The following MAP4 variants were observed in gnomAD, a reference collection of about 807,000 sequenced individuals.
MAP4 encodes microtubule associated protein 4, also known as microtubule-associated protein 4.
MAP4 carries 76 observed loss-of-function variants against 170.2 expected under a neutral mutation model. That is an observed-to-expected ratio of 0.45 (90% CI 0.37 to 0.54). The LOEUF (loss-of-function observed/expected upper bound fraction) is 0.54, where lower values mean the gene tolerates loss of function less well. Among genes scored for constraint, MAP4 ranks in the 20% least tolerant of loss-of-function variants. The pLI, the probability that MAP4 is intolerant of heterozygous loss-of-function variation, is 0.00. For missense variants in MAP4, 2,506 were observed against 2,748.0 expected, an observed-to-expected ratio of 0.91 and a Z score of 1.97; for synonymous variants, 909 against 994.5, an observed-to-expected ratio of 0.91 and a Z score of 1.62.
chr3:47,872,915 C>G (rs1051230378), intron 12 of MAP4, among the ~76,000 whole-genome samples: 1 of 152,170 alleles, frequency 6.6e-6, no homozygotes, highest in African/African-American at 2.4e-5. Flanking sequence ...TTGGCTAACA[C>G]GCACCTAGAG....
At chr3:47,930,421 C>T (rs1365249011) in intron 3 of MAP4, among the ~76,000 whole-genome samples, 6 of 148,466 alleles carry the variant, frequency 4.0e-5, no homozygotes, top group South Asian at 2.1e-4. Context: ...GTCCGCAGTC[C>T]GGCCTGGGCG....
At chr3:47,976,985 T>C (rs1250332093) in intron 3 of MAP4, among the ~76,000 whole-genome samples, 3 of 152,172 alleles carry the variant, frequency 2.0e-5, no homozygotes, top group Non-Finnish European at 4.4e-5. Flanking sequence ...AGCTGAGGTA[T>C]GCATATAAGA....
At chr3:47,903,450 G>A (rs1465557399) in intron 9 of MAP4, among the ~76,000 whole-genome samples, 1 of 151,454 alleles carries the variant, frequency 6.6e-6, no homozygotes, top group Non-Finnish European at 1.5e-5. Context: ...GGAGAACGGC[G>A]TGAACCTGGG....
Position 47,909,314 on chromosome 3 carries a change from CT to C in MAP4, c.5106del (p.Ala1703LeufsTer10). 6.2e-7 allele frequency: 1 copy of C among 1,613,906 alleles called. No homozygotes were observed. The highest frequency in any genetic ancestry group is 8.5e-7 in the Non-Finnish European group (1 of 1,179,854). ...IQSDFLHSKV[E>X]APPSEVADTL... ...GTATCCGCCACCTCTGAAGGAGGAG[CT>C]TCGACTTTGCTATGTAAGAAATCTG... On this transcript the variant is annotated frameshift_variant, in exon 9 of 21. Transcript: ENST00000683076. LOFTEE classifies it high-confidence loss of function.
In MAP4 at chr3:47,867,357, G is replaced by GA. The variant is rs748189960; in HGVS notation, c.6409-20dup. ...TCTGGACCTGGAGTGTTAGAAAATA[G>GA]AAAAAACAACACAAAGGGAGAGGAC... On this transcript the variant is annotated intron_variant, in intron 16 of 20. Coordinates refer to ENST00000683076, the MANE Select transcript of MAP4 (RefSeq NM_001385682.1). The GA allele has an allele frequency of 3.9e-6, 6 of 1,547,088 alleles. No homozygotes were observed. Among genetic ancestry groups the GA allele is most frequent in the African/African-American group, 2.7e-5 (2 of 73,502 alleles).
In MAP4 at chr3:48,080,895, T is replaced by C. The variant is rs896889614; in HGVS notation, c.-20+7878A>G. The stretch of plus-strand genomic sequence containing the variant: ...ATCCGAGCACTTTGGGAGGCCAAGG[T>C]GGGCAGATCACGAAGTCAGGAGATA... On this transcript the variant is annotated intron_variant, in intron 1 of 18. Coordinates refer to the MAP4 transcript ENST00000360240. Among the ~76,000 whole-genome samples, 8 of 152,126 alleles carry C rather than the reference T, an allele frequency of 5.3e-5. No individual in the cohort carries two copies. The East Asian group carries it at 7.7e-4, about 15-fold the overall frequency.
Position 47,875,865 on chromosome 3 carries a change from T to C in MAP4, c.5577A>G (p.Thr1859=). Residue 1859 remains threonine (T), a synonymous_variant, in exon 12 of 21, where the codon ACA becomes ACG. Coordinates refer to ENST00000683076, the MANE Select transcript of MAP4 (RefSeq NM_001385682.1). ...LATTQPAKTS[T]SKAKTQPTSL... is the part of the protein sequence containing the mutation. ...AAGTGGGCTGTGTTTTGGCTTTCGA[T>C]GTTGAAGTCTTTGCAGGTTGAGTGG... 1 of 1,612,814 alleles carries C rather than the reference T, an allele frequency of 6.2e-7. No individual in the cohort carries two copies. Among genetic ancestry groups the C allele is most frequent in the South Asian group, 1.1e-5 (1 of 90,858 alleles).
chr3:47,989,560 G>T (rs778124881), intron 2 of MAP4, among the ~76,000 whole-genome samples: 15 of 152,062 alleles, frequency 9.9e-5, no homozygotes, highest in Non-Finnish European at 1.9e-4. Context: ...AACTTTACTA[G>T]AATAAAATAA....
At chr3:48,039,968 A>T (rs1422764185) in intron 1 of MAP4, among the ~76,000 whole-genome samples, 1 of 152,246 alleles carries the variant, frequency 6.6e-6, no homozygotes, top group African/African-American at 2.4e-5. Context: ...AAACAGAAGA[A>T]TGATATAAAT....
chr3:47,937,229 A>T (rs2153958358), intron 3 of MAP4, among the ~76,000 whole-genome samples: 1 of 152,330 alleles, frequency 6.6e-6, no homozygotes, highest in East Asian at 1.9e-4. Flanking sequence ...TAACTTACAA[A>T]TAAGACTCAG....
intron 17 of MAP4, 44 bp from the exon 18 acceptor site, chr3:47,857,556 C>T: frequency 1.5e-6 from 2 of 1,337,466 alleles, no homozygotes; most frequent in Non-Finnish European, 2.2e-6. Context: ...AGAAGGTATA[C>T]TGTCAGAGCC....
Position 47,911,600 on chromosome 3 carries a change from C to T in MAP4, c.2821G>A (p.Asp941Asn), listed in dbSNP as rs1320590339. ...GAGCAACCCTCTTTAAGTCTGATAT[C>T]CAAAGGGGTTTCTACATTGTATGCA... ...VSAYNVETPL[D>N]IRLKEGCSPF... The change falls in exon 9 of 21, where the codon GAT (aspartate) becomes AAT (asparagine). Residue 941 changes from aspartate (D) to asparagine (N), a missense_variant. Asp to Asn is a conservative substitution (Grantham distance 23). This residue lies in a region of MAP4 where 2,008 missense variants were observed against 2,206.0 expected (regional missense o/e 0.91). Coordinates refer to ENST00000683076, the MANE Select transcript of MAP4 (RefSeq NM_001385682.1). This position sits in a 1 kb window ranked among gnomAD's most constrained non-coding sequence, Gnocchi z 4.0. 22 of 1,536,018 alleles carry T rather than the reference C, an allele frequency of 1.4e-5. No individual in the cohort carries two copies. Among genetic ancestry groups the T allele is most frequent in the Non-Finnish European group, 1.9e-5 (22 of 1,146,898 alleles).
intron 1 of MAP4, among the ~76,000 whole-genome samples, chr3:48,062,494 T>A (rs138291598): frequency 0.035 from 2,846 of 81,192 alleles, no homozygotes; most frequent in African/African-American, 0.042. Context: ...GAATGATCAA[T>A]AAAAAAAAAA....
intron 1 of MAP4, among the ~76,000 whole-genome samples, chr3:48,014,889 T>C (rs765265818): frequency 2.0e-5 from 3 of 152,126 alleles, no homozygotes; most frequent in Non-Finnish European, 2.9e-5. Context: ...CCAGAGATGG[T>C]TCTATTGAAG....
intron 1 of MAP4, among the ~76,000 whole-genome samples, chr3:48,029,029 C>A (rs571711172): frequency 6.6e-6 from 1 of 151,632 alleles, no homozygotes; most frequent in South Asian, 2.1e-4. Context: ...ACCTGTAGTC[C>A]CAGCTACTTG....
At chr3:47,904,310 CTATTAT>C (rs762967251) in intron 9 of MAP4, among the ~76,000 whole-genome samples, 79 of 151,886 alleles carry the variant, frequency 5.2e-4, no homozygotes, top group Admixed American at 1.7e-3. Context: ...GTGGTAGGTG[CTATTAT>C]TATTATTATT....
intron 1 of MAP4, among the ~76,000 whole-genome samples, chr3:48,052,285 G>C (rs529802854): frequency 6.6e-6 from 1 of 152,088 alleles, no homozygotes; most frequent in African/African-American, 2.4e-5. Flanking sequence ...GCGGTGGCGC[G>C]ATCTTGGCTC....
At chr3:47,953,462 C>T (rs576312649) in intron 3 of MAP4, among the ~76,000 whole-genome samples, 8 of 152,182 alleles carry the variant, frequency 5.3e-5, no homozygotes, top group South Asian at 4.2e-4. Context: ...TTCGAAATTA[C>T]AGTGAGCTAT....
intron 3 of MAP4, among the ~76,000 whole-genome samples, chr3:47,948,146 C>T (rs576619164): frequency 5.9e-5 from 9 of 151,382 alleles, no homozygotes; most frequent in Non-Finnish European, 8.8e-5. Context: ...TACAGGTGCC[C>T]GCCACCACGC....
Sources: gnomAD v4.1 joint callset for allele counts (sites outside exome capture counted in the v4.1 genomes callset) on GRCh38, gnomAD v4.1.1 for gene constraint, gnomAD v4.1.1 regional missense constraint, Gnocchi (gnomAD v3.1) non-coding constraint, MANE v1.5 for transcripts, NCBI Gene and HGNC (gene_info 2026-07-23, HGNC 2026-07-21) for gene names.